CNBD1: variants seen among roughly 807,000 people sequenced by gnomAD.
CNBD1 encodes cyclic nucleotide-binding domain-containing protein 1.
In CNBD1, 71 loss-of-function variants were observed where a neutral mutation model predicts 54.4. The observed-to-expected ratio is 1.30, with a 90% CI of 1.08 to 1.59. The LOEUF is 1.59. Among genes scored for constraint, CNBD1 ranks in the 40% most tolerant of loss-of-function variants. CNBD1 has a pLI of 0.00. For missense variants in CNBD1, 659 were observed against 518.0 expected, an observed-to-expected ratio of 1.27 and a Z score of -2.64; for synonymous variants, 182 against 170.7, an observed-to-expected ratio of 1.07 and a Z score of -0.51.
chr8:87,384,827 G>C (rs573642073), downstream of CNBD1, among the ~76,000 whole-genome samples: 21 of 152,246 alleles, frequency 1.4e-4, no homozygotes, highest in East Asian at 1.6e-3. Flanking sequence ...AATGTTATCT[G>C]AGGTGGATCA....
intron 3 of CNBD1, among the ~76,000 whole-genome samples, chr8:86,906,094 G>A (rs1809012873): frequency 6.6e-6 from 1 of 152,214 alleles, no homozygotes; most frequent in African/African-American, 2.4e-5. Flanking sequence ...ATTGTGAATA[G>A]TAGATGTGTG....
chr8:87,161,483 A>G (rs1417869470), intron 4 of CNBD1, among the ~76,000 whole-genome samples: 1 of 152,156 alleles, frequency 6.6e-6, no homozygotes, highest in African/African-American at 2.4e-5. Context: ...ATCAAAAAGG[A>G]CTAATAAAAT....
chr8:87,236,487 A>G (rs1807586496), intron 5 of CNBD1, among the ~76,000 whole-genome samples: 1 of 152,130 alleles, frequency 6.6e-6, no homozygotes, highest in Non-Finnish European at 1.5e-5. Context: ...GAGCAAAGAT[A>G]AATGAAAATT....
chr8:87,046,296 T>C (rs1810189174), intron 4 of CNBD1, among the ~76,000 whole-genome samples: 1 of 152,038 alleles, frequency 6.6e-6, no homozygotes, highest in South Asian at 2.1e-4. Flanking sequence ...CCATTCCTGG[T>C]TTTTCCAGTA....
At chr8:87,408,824 A>T (rs1349235311) in intron 2 of CNBD1, among the ~76,000 whole-genome samples, 1 of 152,084 alleles carries the variant, frequency 6.6e-6, no homozygotes, top group Non-Finnish European at 1.5e-5. Flanking sequence ...CTTTGATGTT[A>T]CTATTGTAAT....
At chr8:87,310,745 T>C (rs1809247069) in intron 8 of CNBD1, among the ~76,000 whole-genome samples, 1 of 152,140 alleles carries the variant, frequency 6.6e-6, no homozygotes, top group Non-Finnish European at 1.5e-5. Context: ...ACTATAAGGC[T>C]ACAGTAACCA....
At chr8:87,382,569 A>T in intron 10 of CNBD1, 51 bp from the exon 11 acceptor site, 1 of 1,478,508 alleles carries the variant, frequency 6.8e-7, no homozygotes, top group Non-Finnish European at 9.2e-7. Context: ...ATAATTACCA[A>T]AAATGAGTAT....
At chr8:87,263,738 C>T (rs62528085) in intron 6 of CNBD1, among the ~76,000 whole-genome samples, 100,324 of 151,788 alleles carry the variant, frequency 0.66, 33,590 homozygotes, top group Non-Finnish European at 0.71. Context: ...TAATGGATAA[C>T]ATATTTTACT....
chr8:87,186,438 A>T (rs1813477398), intron 4 of CNBD1, among the ~76,000 whole-genome samples: 1 of 152,152 alleles, frequency 6.6e-6, no homozygotes, highest in Non-Finnish European at 1.5e-5. Flanking sequence ...CCATCATTCC[A>T]GCTCCATTCT....
intron 4 of CNBD1, among the ~76,000 whole-genome samples, chr8:87,108,446 G>A (rs1352286187): frequency 6.6e-6 from 1 of 152,090 alleles, no homozygotes; most frequent in Non-Finnish European, 1.5e-5. Context: ...AAGTATACAA[G>A]TTACTAGGTC....
chr8:87,046,174 G>T (rs1189152447), intron 4 of CNBD1, among the ~76,000 whole-genome samples: 2 of 151,978 alleles, frequency 1.3e-5, no homozygotes, highest in East Asian at 3.9e-4. Flanking sequence ...TGCCTCTTTG[G>T]CTCCTACTGA....
chr8:87,232,764 G>A (rs1231885373), intron 5 of CNBD1, among the ~76,000 whole-genome samples: 1 of 152,060 alleles, frequency 6.6e-6, no homozygotes, highest in Non-Finnish European at 1.5e-5. Flanking sequence ...CTTGAGTAAA[G>A]ATAATGGTTT....
At chr8:87,015,977 C>CAAAAAAAAAAAA (rs58453987) in intron 4 of CNBD1, among the ~76,000 whole-genome samples, 3 of 55,968 alleles carry the variant, frequency 5.4e-5, no homozygotes, top group African/African-American at 2.1e-4. Context: ...GAATCCGTCT[C>CAAAAAAAAAAAA]AAAAAAAAAA....
chr8:87,202,590 C>T lies in CNBD1; in HGVS notation c.432-3403C>T, dbSNP rs115674608. 9.1e-3 allele frequency among the ~76,000 whole-genome samples: 1,385 copies of T among 152,206 alleles called. 20 individuals are homozygous for T. Among genetic ancestry groups the T allele is most frequent in the Middle Eastern group, 0.031 (9 of 294 alleles). On this transcript the variant is annotated intron_variant, in intron 4 of 10. Coordinates refer to ENST00000518476, the MANE Select transcript of CNBD1 (RefSeq NM_173538.3). Reference sequence around the variant, plus strand: ...GCCCCATGAGCGTATGCACCAATTACGGGTCGGGTAGATTAGTACTAACAT... The same window carrying T: ...GCCCCATGAGCGTATGCACCAATTATGGGTCGGGTAGATTAGTACTAACAT...
At chr8:86,887,466 C>A in intron 1 of CNBD1, 76 bp from the exon 2 acceptor site, 1 of 867,894 alleles carries the variant, frequency 1.2e-6, no homozygotes, top group South Asian at 1.7e-5. Flanking sequence ...TGAATGTTTG[C>A]AATTAAACTC....
intron 4 of CNBD1, among the ~76,000 whole-genome samples, chr8:87,078,637 G>T (rs189231779): frequency 2.0e-5 from 3 of 152,162 alleles, no homozygotes; most frequent in Admixed American, 2.0e-4. Flanking sequence ...GGAAACAGAG[G>T]ACTGAAAGGG....
At chr8:86,924,609 C>T (rs1256800190) in intron 3 of CNBD1, among the ~76,000 whole-genome samples, 2 of 151,744 alleles carry the variant, frequency 1.3e-5, no homozygotes, top group Non-Finnish European at 2.9e-5. Context: ...TATTTTTTTG[C>T]CTGACAGGAG....
intron 4 of CNBD1, among the ~76,000 whole-genome samples, chr8:86,995,724 GAGAC>G (rs905739681): frequency 6.6e-6 from 1 of 151,870 alleles, no homozygotes; most frequent in African/African-American, 2.4e-5. Context: ...GAGAGAGAGA[GAGAC>G]AGAGAGTCAA....
At chr8:87,199,998 T>A (rs1179578913) in intron 4 of CNBD1, among the ~76,000 whole-genome samples, 1 of 152,124 alleles carries the variant, frequency 6.6e-6, no homozygotes, top group Non-Finnish European at 1.5e-5. Context: ...CATCAAGTTG[T>A]CTACCTTAAA....
Sources: allele counts gnomAD v4.1 joint callset (sites outside exome capture counted in the v4.1 genomes callset), GRCh38; gene constraint gnomAD v4.1.1; transcripts MANE v1.5; gene names NCBI Gene and HGNC (gene_info 2026-07-23, HGNC 2026-07-21).